The following ERC1 variants were observed in gnomAD, a reference collection of about 807,000 sequenced individuals.
ERC1 encodes the protein RAB6 interacting protein 2.
A neutral mutation model predicts 132.0 loss-of-function variants in ERC1; 56 were observed. The observed-to-expected ratio is 0.42, with a 90% CI of 0.34 to 0.53. The LOEUF (loss-of-function observed/expected upper bound fraction) is 0.53, where lower values mean the gene tolerates loss of function less well. ERC1 is among the 20% of genes least tolerant of loss of function. The pLI, the probability that ERC1 is intolerant of heterozygous loss-of-function variation, is 0.03. For missense variants in ERC1, 1,202 were observed against 1,349.9 expected (o/e 0.89, Z 1.72); for synonymous variants, 478 against 476.1 (o/e 1.00, Z -0.05).
intron 7 of ERC1, among the ~76,000 whole-genome samples, chr12:1,120,500 C>A (rs142416460): frequency 6.6e-6 from 1 of 152,316 alleles, no homozygotes; most frequent in Non-Finnish European, 1.5e-5. Flanking sequence ...GCACTTGAGG[C>A]TACTCTCACT....
rs375536854 is a variant in ERC1 at position 1,189,823 on chromosome 12, G to C, written c.2158-36G>C. 19 of 1,539,850 alleles carry C rather than the reference G, an allele frequency of 1.2e-5. No individual in the cohort carries two copies. The African/African-American group carries it at 2.5e-4, about 20-fold the overall frequency. ...ACATGGTTTGCCCATTGCCACCTGT[G>C]TGTATCTGATAGGATTGAAATGCTT... On this transcript the variant is annotated intron_variant, in intron 11 of 18. Transcript: ENST00000360905.
intron 18 of ERC1, among the ~76,000 whole-genome samples, chr12:1,475,592 G>A (rs1003196654): frequency 6.6e-6 from 1 of 152,296 alleles, no homozygotes; most frequent in East Asian, 1.9e-4. Context: ...GAAAGGAAAA[G>A]CAAAGACAGG....
intron 17 of ERC1, among the ~76,000 whole-genome samples, chr12:1,408,837 C>T (rs539971345): frequency 1.3e-5 from 2 of 152,296 alleles, no homozygotes; most frequent in South Asian, 4.1e-4. Flanking sequence ...AACCATATTC[C>T]ATTCTAGTTT....
At chr12:1,267,959 T>C (rs551096875) in intron 14 of ERC1, among the ~76,000 whole-genome samples, 1 of 152,344 alleles carries the variant, frequency 6.6e-6, no homozygotes, top group East Asian at 1.9e-4. Context: ...TAGGTAATGA[T>C]ACATTAATGA....
chr12:1,148,097 A>G (rs1226434631), intron 8 of ERC1, among the ~76,000 whole-genome samples: 6 of 152,222 alleles, frequency 3.9e-5, no homozygotes, highest in African/African-American at 1.4e-4. Context: ...GATTAATGTT[A>G]CTGGAAGAAA....
intron 13 of ERC1, among the ~76,000 whole-genome samples, chr12:1,259,221 G>A (rs2076992227): frequency 6.6e-6 from 1 of 151,682 alleles, no homozygotes; most frequent in African/African-American, 2.4e-5. Context: ...ATCTCTTTTG[G>A]TTGTTTCTAC....
At chr12:1,412,617 C>G (rs74841044) in intron 17 of ERC1, among the ~76,000 whole-genome samples, 314 of 152,192 alleles carry the variant, frequency 2.1e-3, no homozygotes, top group African/African-American at 7.2e-3. Context: ...TTGTGAGACA[C>G]GTGGACTCCA....
intron 12 of ERC1, among the ~76,000 whole-genome samples, chr12:1,233,439 C>A (rs2075192381): frequency 7.1e-6 from 1 of 140,076 alleles, no homozygotes; most frequent in Non-Finnish European, 1.5e-5. Flanking sequence ...CCACTGCACT[C>A]CAGCCTGGGC....
intron 17 of ERC1, chr12:1,443,302 T>C (rs1211160818): frequency 6.6e-6 from 1 of 152,118 alleles, no homozygotes. Context: ...GTTTTCATAA[T>C]AAAAACATAA....
intron 8 of ERC1, among the ~76,000 whole-genome samples, chr12:1,164,219 C>T (rs1952141513): frequency 7.2e-6 from 1 of 139,268 alleles, no homozygotes; most frequent in Non-Finnish European, 1.5e-5. Context: ...ATAGTAGTCA[C>T]AGAACCTGCC....
At chr12:1,204,414 A>G in intron 12 of ERC1, 1 of 1,129,628 alleles carries the variant, frequency 8.9e-7, no homozygotes, top group Non-Finnish European at 1.3e-6. Flanking sequence ...TATGATGTCC[A>G]TGAATAATAT....
chr12:1,479,702 G>C (rs920965786), intron 18 of ERC1, among the ~76,000 whole-genome samples: 8 of 152,146 alleles, frequency 5.3e-5, no homozygotes, highest in Non-Finnish European at 1.2e-4. Flanking sequence ...AACCAAGGGA[G>C]GGGTTGGAAA....
chr12:1,345,186 T>C (rs1035911209), intron 15 of ERC1, among the ~76,000 whole-genome samples: 21 of 131,364 alleles, frequency 1.6e-4, no homozygotes, highest in Non-Finnish European at 2.3e-4. Flanking sequence ...GAATATTTCT[T>C]CTTTTTTTTT....
intron 8 of ERC1, among the ~76,000 whole-genome samples, chr12:1,171,355 T>TC (rs1491346699): frequency 2.2e-5 from 3 of 139,408 alleles, no homozygotes; most frequent in Admixed American, 2.1e-4. Context: ...GGCAAAACAT[T>TC]CTTTTTTTTT....
chr12:1,177,055 C>T (rs1310956666), intron 8 of ERC1, among the ~76,000 whole-genome samples: 3 of 152,172 alleles, frequency 2.0e-5, no homozygotes, highest in Non-Finnish European at 4.4e-5. Context: ...CATGACCAAC[C>T]TCTGCTAGCT....
chr12:1,331,231 T>A (rs1273712100), intron 15 of ERC1, among the ~76,000 whole-genome samples: 1 of 152,226 alleles, frequency 6.6e-6, no homozygotes, highest in East Asian at 1.9e-4. Flanking sequence ...TTTACCTGTT[T>A]TGTGTTATAT....
intron 12 of ERC1, among the ~76,000 whole-genome samples, chr12:1,212,478 C>T (rs1594260860): frequency 6.6e-6 from 1 of 152,142 alleles, no homozygotes; most frequent in Non-Finnish European, 1.5e-5. Context: ...TTGTTATATA[C>T]TGTATTTCCT....
intron 12 of ERC1, among the ~76,000 whole-genome samples, chr12:1,226,734 T>C (rs1399049519): frequency 1.3e-5 from 2 of 152,196 alleles, no homozygotes; most frequent in Non-Finnish European, 2.9e-5. Context: ...TGGAGTGCAG[T>C]GGCGTAGTCT....
chr12:1,294,308 A>G (rs1192142484), intron 15 of ERC1, among the ~76,000 whole-genome samples: 2 of 152,242 alleles, frequency 1.3e-5, no homozygotes, highest in Non-Finnish European at 2.9e-5. Flanking sequence ...AAGATCAGAC[A>G]TAACTTCCAA....
Sources: allele counts gnomAD v4.1 joint callset (sites outside exome capture counted in the v4.1 genomes callset), GRCh38; gene constraint gnomAD v4.1.1; transcripts MANE v1.5; gene names NCBI Gene and HGNC (gene_info 2026-07-23, HGNC 2026-07-21).